The following ABRACL variants were observed in gnomAD, a reference collection of about 807,000 sequenced individuals.
ABRACL encodes the protein costars family protein ABRACL.
Under a neutral mutation model 7.0 loss-of-function variants are expected in ABRACL, and 4 were observed. That is an observed-to-expected ratio of 0.57 (90% CI 0.28 to 1.30). The LOEUF is 1.30. Ranked by LOEUF, ABRACL falls within the 50% of genes most tolerant of loss-of-function variation. The pLI is 0.10. For missense variants in ABRACL, 104 were observed against 97.3 expected, an observed-to-expected ratio of 1.07 and a Z score of -0.29; for synonymous variants, 30 against 36.0, an observed-to-expected ratio of 0.83 and a Z score of 0.60.
chr6:139,043,017 C>T lies in ABRACL; in HGVS notation c.*114C>T, dbSNP rs1441765011. The T allele has an allele frequency of 6.7e-5, 58 of 860,340 alleles. No homozygotes were observed. The highest frequency in any genetic ancestry group is 3.4e-4 in the South Asian group (12 of 35,626). 53.3% of individuals were successfully genotyped at this position (860,340 alleles called of 1,614,324 possible). On this transcript the variant is annotated 3_prime_UTR_variant, in exon 3 of 3. Transcript: ENST00000367660. ...ATGTATTTTTATAGAACTTTGTAAA[C>T]GAAAGGAGATTCATGTTTTAGAAGT...
chr6:139,042,673 A>G, intron 2 of ABRACL, 46 bp from the exon 3 acceptor site: 2 of 1,553,118 alleles, frequency 1.3e-6, no homozygotes, highest in Non-Finnish European at 1.8e-6. Context: ...ACTTGAGGGT[A>G]TGAAACAGAC....
intron 2 of ABRACL, chr6:139,034,490 T>C: frequency 2.3e-6 from 3 of 1,332,496 alleles, no homozygotes; most frequent in Non-Finnish European, 3.0e-6. Context: ...GCTTCTTGTA[T>C]TTGACTGCAT....
intron 2 of ABRACL, among the ~76,000 whole-genome samples, chr6:139,036,478 G>A (rs6918066): frequency 0.54 from 81,785 of 151,818 alleles, 23,302 homozygotes; most frequent in African/African-American, 0.66. Context: ...AACCCGAGTC[G>A]TCATTACTGA....
intron 2 of ABRACL, among the ~76,000 whole-genome samples, chr6:139,037,779 T>C (rs1024607324): frequency 3.3e-4 from 15 of 45,968 alleles, no homozygotes; most frequent in African/African-American, 4.0e-4. Context: ...CTTTTTCTCT[T>C]TTTTTTTTTT....
intron 2 of ABRACL, among the ~76,000 whole-genome samples, chr6:139,042,338 G>A (rs1786264635): frequency 6.6e-6 from 1 of 152,200 alleles, no homozygotes; most frequent in Admixed American, 6.5e-5. Flanking sequence ...AACACACTTA[G>A]AGAAACACTG....
intron 2 of ABRACL, among the ~76,000 whole-genome samples, chr6:139,041,821 CT>C (rs1786257725): frequency 6.6e-6 from 1 of 152,070 alleles, no homozygotes; most frequent in Non-Finnish European, 1.5e-5. Context: ...TCTCTACCTC[CT>C]TATGTCTGCC....
At chr6:139,031,497 T>C (rs1786081121) in intron 1 of ABRACL, among the ~76,000 whole-genome samples, 1 of 152,128 alleles carries the variant, frequency 6.6e-6, no homozygotes, top group African/African-American at 2.4e-5. Flanking sequence ...AGAAACTCAA[T>C]CAAACCAACA....
intron 2 of ABRACL, among the ~76,000 whole-genome samples, chr6:139,038,313 C>T (rs913775621): frequency 6.6e-6 from 1 of 152,224 alleles, no homozygotes; most frequent in Non-Finnish European, 1.5e-5. Context: ...ATCGTAACTT[C>T]TATAAGCATG....
At chr6:139,036,760 G>C (rs1025447006) in intron 2 of ABRACL, among the ~76,000 whole-genome samples, 14 of 152,066 alleles carry the variant, frequency 9.2e-5, no homozygotes, top group Admixed American at 7.9e-4. Context: ...AAGGTGGGAG[G>C]ATCGCTTAAG....
At chr6:139,041,485 A>ATTTC (rs1786248121) in intron 2 of ABRACL, among the ~76,000 whole-genome samples, 1 of 44,824 alleles carries the variant, frequency 2.2e-5, no homozygotes, top group Non-Finnish European at 5.1e-5. Context: ...ATATTTCTAT[A>ATTTC]TATATATATG....
Position 139,043,052 on chromosome 6 carries a change from T to C in ABRACL, c.*149T>C. On this transcript the variant is annotated 3_prime_UTR_variant, in exon 3 of 3. Coordinates refer to ENST00000367660, the MANE Select transcript of ABRACL (RefSeq NM_021243.3). ...TTCATGTTTTAGAAGTCTGTCCTTT[T>C]TTATATCTTGAAAGAAAATCTATGT... 1 of 575,636 alleles carries C rather than the reference T, an allele frequency of 1.7e-6. No individual in the cohort carries two copies. Among genetic ancestry groups the C allele is most frequent in the African/African-American group, 1.9e-5 (1 of 51,800 alleles). 35.7% of individuals were successfully genotyped at this position (575,636 alleles called of 1,614,324 possible).
intron 1 of ABRACL, among the ~76,000 whole-genome samples, chr6:139,032,259 CG>C: frequency 6.6e-6 from 1 of 152,202 alleles, no homozygotes; most frequent in East Asian, 1.9e-4. Flanking sequence ...CCACCGCGCC[CG>C]GGCTTTCCTA....
Position 139,042,771 on chromosome 6 carries a change from A to C in ABRACL, c.114A>C (p.Lys38Asn). The C allele has an allele frequency of 6.2e-7, 1 of 1,613,796 alleles. No individual in the cohort carries two copies. Among genetic ancestry groups the C allele is most frequent in the South Asian group, 1.1e-5 (1 of 90,954 alleles). Residue 38 changes from lysine to asparagine, a missense_variant, in exon 3 of 3, where the codon AAA becomes AAC. By Grantham distance (94) the Lys-to-Asn change is moderately conservative (BLOSUM62 0). Transcript: ENST00000367660. ...TTGGGGTCCTCTTCCGTGATGATAA[A>C]TGTGCCAACCTCTTTGAAGCATTGG... Reference protein sequence around the residue: ...VKFGVLFRDDKCANLFEALVG... With the variant: ...VKFGVLFRDDNCANLFEALVG...
intron 2 of ABRACL, among the ~76,000 whole-genome samples, chr6:139,037,421 TG>T (rs1418291416): frequency 6.6e-6 from 1 of 152,008 alleles, no homozygotes; most frequent in Non-Finnish European, 1.5e-5. Flanking sequence ...CGACCACGCC[TG>T]GTTAAGTTTT....
intron 2 of ABRACL, among the ~76,000 whole-genome samples, chr6:139,041,529 A>ATTTTT (rs144355709): frequency 0.32 from 27,331 of 85,150 alleles, 3,932 homozygotes; most frequent in East Asian, 0.6. Flanking sequence ...ATATATATAT[A>ATTTTT]TATTTTTTTT....
At chr6:139,033,539 C>G (rs1786111140) in intron 1 of ABRACL, among the ~76,000 whole-genome samples, 1 of 152,184 alleles carries the variant, frequency 6.6e-6, no homozygotes. Context: ...CCAGCTTAGG[C>G]CTGCCTCAAG....
intron 2 of ABRACL, 84 bp from the exon 3 acceptor site, chr6:139,042,635 T>C (rs936558022): frequency 2.2e-6 from 3 of 1,333,614 alleles, no homozygotes; most frequent in Non-Finnish European, 3.1e-6. Flanking sequence ...TAGTTATAAA[T>C]TTATTAAAGA....
intron 1 of ABRACL, among the ~76,000 whole-genome samples, chr6:139,032,637 A>G (rs72974735): frequency 0.05 from 7,615 of 152,260 alleles, 263 homozygotes; most frequent in East Asian, 0.2. Context: ...AATTAGTTAC[A>G]ATCCATCTGG....
At position 139,038,175 on chromosome 6, in the gene ABRACL, T is replaced by C. The variant is rs530572989; in HGVS notation, c.61+3954T>C. Among the ~76,000 whole-genome samples, 8 of 152,364 alleles carry C rather than the reference T, an allele frequency of 5.3e-5. No homozygotes were observed. The South Asian group carries it at 1.7e-3, about 32-fold the overall frequency. On this transcript the variant is annotated intron_variant, in intron 2 of 2. Transcript: ENST00000367660. ...TTATCCATATCAGCCTAGTGTTTAT[T>C]GGTCATATTCAATTAGTTTTTAAAT...
Sources: gnomAD v4.1 joint callset for allele counts (sites outside exome capture counted in the v4.1 genomes callset) on GRCh38, gnomAD v4.1.1 for gene constraint, MANE v1.5 for transcripts, NCBI Gene and HGNC (gene_info 2026-07-23, HGNC 2026-07-21) for gene names.